Variants in PLA2G6 observed in about 807,000 individuals in gnomAD.
PLA2G6 encodes phospholipase A2 group VI, also known as 85/88 kDa calcium-independent phospholipase A2.
A neutral mutation model predicts 83.8 loss-of-function variants in PLA2G6; 62 were observed. The ratio of observed to expected loss-of-function variants is 0.74; its 90% confidence interval spans 0.60 to 0.91. The LOEUF is 0.91. PLA2G6 is among the 40% of genes least tolerant of loss of function. The pLI, the probability that PLA2G6 is intolerant of heterozygous loss-of-function variation, is 0.00. For synonymous variants in PLA2G6, 417 were observed against 449.8 expected (o/e 0.93, Z 0.92); for missense variants, 944 against 1,102.0 (o/e 0.86, Z 2.03).
chr22:38,140,321 A>G (rs2088827400), intron 4 of PLA2G6, 152 bp from the exon 5 acceptor site: 1 of 684,300 alleles, frequency 1.5e-6, no homozygotes, highest in Admixed American at 2.1e-5. Flanking sequence ...CAGCCTGGCC[A>G]ACATGGTGAA....
Position 38,118,413 on chromosome 22 carries a change from A to G in PLA2G6, c.1743-2202T>C, listed in dbSNP as rs915381280. Among the ~76,000 whole-genome samples the G allele has an allele frequency of 2.6e-5, 4 of 152,118 alleles. No individual in the cohort carries two copies. The South Asian group carries it at 6.2e-4, about 24-fold the overall frequency. On this transcript the variant is annotated intron_variant, in intron 12 of 16. Transcript: ENST00000332509. The stretch of plus-strand genomic sequence containing the variant: ...GTTCACTTGGCATGAATGACTCCAT[A>G]TTCGTTTCTTCTGTTGGGCCTGGTA...
intron 2 of PLA2G6, among the ~76,000 whole-genome samples, chr22:38,159,725 A>AAAGGAAGGAAGG (rs56181861): frequency 0.046 from 6,551 of 143,140 alleles, 192 homozygotes; most frequent in South Asian, 0.064. Flanking sequence ...GAGATAGATG[A>AAAGGAAGGAAGG]AAGGAAGGAA....
At chr22:38,155,510 A>G (rs1313988954) in intron 2 of PLA2G6, among the ~76,000 whole-genome samples, 1 of 152,226 alleles carries the variant, frequency 6.6e-6, no homozygotes, top group Non-Finnish European at 1.5e-5. Flanking sequence ...CAGTACAATA[A>G]GTTAAAAAGT....
intron 2 of PLA2G6, among the ~76,000 whole-genome samples, chr22:38,162,134 C>T (rs5995542): frequency 0.41 from 60,465 of 149,092 alleles, 12,570 homozygotes; most frequent in South Asian, 0.49. Flanking sequence ...GCTTGAACCC[C>T]GGAGGTGGAG....
At chr22:38,118,753 G>T (rs1168232853) in intron 12 of PLA2G6, among the ~76,000 whole-genome samples, 19 of 138,678 alleles carry the variant, frequency 1.4e-4, no homozygotes, top group South Asian at 2.3e-4. Flanking sequence ...GTTTGTTTTT[G>T]TTTTTTTTTT....
rs1167902766 is a variant in PLA2G6 at position 38,128,328 on chromosome 22, G to T, written c.1289C>A (p.Pro430Gln). 1 of 1,613,328 alleles carries T rather than the reference G, an allele frequency of 6.2e-7. No individual in the cohort carries two copies. ...TCTTTCCAGGGAGAAGGGATGATGT[G>T]GCGCTGCAGAGCCCTGCTCCGCGGG... ...GVPAEQGSAA[P>Q]HHPFSLERAQ... Residue 430 changes from proline to glutamine, a missense_variant, in exon 9 of 17, where the codon CCA (proline) becomes CAA (glutamine). Transcript: ENST00000332509. This position sits in a 1 kb window ranked among gnomAD's most constrained non-coding sequence, Gnocchi z 4.4.
chr22:38,133,980 T>C (rs1229242511), intron 6 of PLA2G6: 1 of 152,160 alleles, frequency 6.6e-6, no homozygotes, highest in Non-Finnish European at 1.5e-5. Flanking sequence ...CTAACGGAGA[T>C]TAACATTTGA....
chr22:38,118,747 G>GT (rs1448700727), intron 12 of PLA2G6, among the ~76,000 whole-genome samples: 2 of 123,748 alleles, frequency 1.6e-5, no homozygotes, highest in South Asian at 3.1e-4. Context: ...GAGTTTGTTT[G>GT]TTTTTGTTTT....
At chr22:38,176,665 G>A (rs73154425) in intron 1 of PLA2G6, among the ~76,000 whole-genome samples, 27 of 152,102 alleles carry the variant, frequency 1.8e-4, no homozygotes, top group Admixed American at 1.8e-3. Flanking sequence ...ACCGGCCTCC[G>A]TCCTCTCACA....
intron 2 of PLA2G6, among the ~76,000 whole-genome samples, chr22:38,151,009 C>A (rs5750548): frequency 0.37 from 56,936 of 151,946 alleles, 10,921 homozygotes; most frequent in South Asian, 0.48. Flanking sequence ...ATCGCTTGAA[C>A]CTGGGAGGCG....
chr22:38,112,106 C>T lies in PLA2G6; in HGVS notation c.*55G>A. On this transcript the variant is annotated 3_prime_UTR_variant, in exon 17 of 17. Transcript: ENST00000332509. Reference sequence around the variant, plus strand: ...CGGGAGGGCAGTGGCTGGGCTTGGCCTGGCAGGGGCTGAATGGACGAGGTC... The same window carrying T: ...CGGGAGGGCAGTGGCTGGGCTTGGCTTGGCAGGGGCTGAATGGACGAGGTC... 6.5e-7 allele frequency: 1 copy of T among 1,549,348 alleles called. No homozygotes were observed. The highest frequency in any genetic ancestry group is 2.0e-5 in the Admixed American group (1 of 51,262).
intron 10 of PLA2G6, among the ~76,000 whole-genome samples, chr22:38,124,188 C>G (rs2087696205): frequency 6.6e-6 from 1 of 152,088 alleles, no homozygotes; most frequent in African/African-American, 2.4e-5. Flanking sequence ...GTCACCCAGG[C>G]TGGTGTGTGG....
intron 7 of PLA2G6, among the ~76,000 whole-genome samples, chr22:38,129,961 C>A (rs2088108283): frequency 6.6e-6 from 1 of 152,198 alleles, no homozygotes. Flanking sequence ...GCAGGGAAGG[C>A]CATCTTGCCC....
At chr22:38,136,249 A>G (rs959750073) in intron 5 of PLA2G6, 6 of 152,164 alleles carry the variant, frequency 3.9e-5, no homozygotes, top group African/African-American at 1.4e-4. Context: ...TAATGGTTGG[A>G]CAACATTGTA....
rs1325924373 is a variant in PLA2G6, at chr22:38,115,584, GTTGTTGGCCAGCAGC to G, written c.1962_1976del (p.Leu655_Asn659del). Reference sequence around the variant, plus strand: ...TCTCGGTCATGGCATCCAGCGTGGGGTTGTTGGCCAGCAGCCCACCGTCCAGGAAGCGCCCATTGG... The same window carrying G: ...TCTCGGTCATGGCATCCAGCGTGGGGCCACCGTCCAGGAAGCGCCCATTGG... On this transcript the variant is annotated inframe_deletion, in exon 14 of 17. Transcript: ENST00000332509. 6.2e-7 allele frequency: 1 copy of G among 1,613,302 alleles called. No homozygotes were observed. Among genetic ancestry groups the G allele is most frequent in the Non-Finnish European group, 8.5e-7 (1 of 1,179,884 alleles).
rs2076115 is a variant in PLA2G6, at chr22:38,121,195, T to C, written c.1592-286A>G. ...GAGTTTGAGACCAGCCTGCCCAACA[T>C]GGTGAAACCCCGTCTATTAAAAATA... On this transcript the variant is annotated intron_variant, in intron 11 of 16. Transcript: ENST00000332509. Among the ~76,000 whole-genome samples, 64,094 of 151,936 alleles carry C rather than the reference T, an allele frequency of 0.42. 13,985 individuals carry two copies. Among genetic ancestry groups the C allele is most frequent in the South Asian group, 0.57 (2,757 of 4,816 alleles).
intron 10 of PLA2G6, among the ~76,000 whole-genome samples, chr22:38,124,496 A>G (rs539907376): frequency 5.8e-4 from 88 of 152,184 alleles, no homozygotes; most frequent in African/African-American, 2.0e-3. Context: ...TGGTTGGTTC[A>G]GTCTGGAACC....
chr22:38,148,122 A>G (rs143711200), intron 2 of PLA2G6: 1 of 230,270 alleles, frequency 4.3e-6, no homozygotes, highest in African/African-American at 2.4e-5. Context: ...CATCACTGGA[A>G]TTAGCATCAC....
chr22:38,128,788 G>T lies in PLA2G6; in HGVS notation c.1187-358C>A, dbSNP rs1416607035. Among the ~76,000 whole-genome samples the T allele has an allele frequency of 6.6e-6, 1 of 152,252 alleles. No individual in the cohort carries two copies. Among genetic ancestry groups the T allele is most frequent in the Non-Finnish European group, 1.5e-5 (1 of 68,042 alleles). On this transcript the variant is annotated intron_variant, in intron 8 of 16. Transcript: ENST00000332509. This position sits in a 1 kb window ranked among gnomAD's most constrained non-coding sequence, Gnocchi z 4.4. The stretch of plus-strand genomic sequence containing the variant: ...AAGTGATAGTTCAGGGTTCCAAAGG[G>T]ACTAATGAGCCAGCCAGGGGGCACC...
Sources: allele counts gnomAD v4.1 joint callset (sites outside exome capture counted in the v4.1 genomes callset), GRCh38; gene constraint gnomAD v4.1.1; non-coding constraint Gnocchi (gnomAD v3.1); transcripts MANE v1.5; gene names NCBI Gene and HGNC (gene_info 2026-07-23, HGNC 2026-07-21).